The following RTN4 variants were observed in gnomAD, a reference collection of about 807,000 sequenced individuals.
RTN4 encodes the protein reticulon 4.
RTN4 carries 32 observed loss-of-function variants against 90.4 expected under a neutral mutation model. The observed-to-expected ratio is 0.35, with a 90% CI of 0.27 to 0.48. The LOEUF (loss-of-function observed/expected upper bound fraction) is 0.48, where lower values mean the gene tolerates loss of function less well. Among genes scored for constraint, RTN4 ranks in the 20% least tolerant of loss-of-function variants. The probability of loss-of-function intolerance (pLI) is 0.99; values close to 1 mark genes in which losing one functional copy is unlikely to be tolerated. For synonymous variants in RTN4, 629 were observed against 552.5 expected (o/e 1.14, Z -1.94); for missense variants, 1,706 against 1,430.2 (o/e 1.19, Z -3.11).
intron 2 of RTN4, among the ~76,000 whole-genome samples, chr2:55,067,284 G>A: frequency 6.6e-6 from 1 of 152,084 alleles, no homozygotes; most frequent in Non-Finnish European, 1.5e-5. Context: ...TTAAATTGTT[G>A]ATGCATGTAA....
intron 3 of RTN4, among the ~76,000 whole-genome samples, chr2:55,020,488 G>GA (rs570723995): frequency 3.3e-5 from 5 of 149,824 alleles, no homozygotes; most frequent in African/African-American, 9.7e-5. Flanking sequence ...CTACTACTGA[G>GA]AAAAAAAATC....
chr2:55,128,894 G>A, the RTN4 span, among the ~76,000 whole-genome samples: 1 of 151,640 alleles, frequency 6.6e-6, no homozygotes, highest in African/African-American at 2.4e-5. Flanking sequence ...ATCACCTGAG[G>A]TCAGGAGTTC....
At chr2:55,074,773 C>T (rs1668573266) in intron 2 of RTN4, among the ~76,000 whole-genome samples, 1 of 152,122 alleles carries the variant, frequency 6.6e-6, no homozygotes, top group African/African-American at 2.4e-5. Flanking sequence ...GATGGTTTAA[C>T]ATCTGTAAGT....
At chr2:55,122,529 A>T in the RTN4 span, among the ~76,000 whole-genome samples, 1 of 152,146 alleles carries the variant, frequency 6.6e-6, no homozygotes, top group Non-Finnish European at 1.5e-5. Context: ...TTTATCTTTG[A>T]ACTTGTGTTT....
chr2:55,010,332 G>T, intron 3 of RTN4: 2 of 1,382,954 alleles, frequency 1.4e-6, no homozygotes, highest in Non-Finnish European at 1.9e-6. Context: ...CTGTAACTAG[G>T]CTACTAATAC....
At chr2:55,059,271 C>T (rs537655884) in intron 2 of RTN4, among the ~76,000 whole-genome samples, 5 of 150,584 alleles carry the variant, frequency 3.3e-5, no homozygotes, top group African/African-American at 9.8e-5. Flanking sequence ...GTGCTGATCT[C>T]GACATCCCAA....
chr2:55,071,578 C>T (rs989860762), intron 2 of RTN4, among the ~76,000 whole-genome samples: 1 of 137,444 alleles, frequency 7.3e-6, no homozygotes, highest in African/African-American at 2.6e-5. Flanking sequence ...CAGTCATTTA[C>T]TTCTGCTAAT....
At chr2:55,079,596 A>G (rs1668672611) in intron 2 of RTN4, among the ~76,000 whole-genome samples, 1 of 152,220 alleles carries the variant, frequency 6.6e-6, no homozygotes, top group Non-Finnish European at 1.5e-5. Flanking sequence ...CTTTTTAATG[A>G]AACCTCCATC....
upstream of RTN4, among the ~76,000 whole-genome samples, chr2:55,055,550 G>A (rs1042262810): frequency 4.6e-5 from 7 of 152,140 alleles, no homozygotes; most frequent in East Asian, 1.9e-4. Context: ...GGCGGATCAC[G>A]AGGTCAGGAG....
intron 1 of RTN4, among the ~76,000 whole-genome samples, chr2:55,085,670 T>C (rs1256388420): frequency 6.6e-6 from 1 of 152,138 alleles, no homozygotes; most frequent in African/African-American, 2.4e-5. Flanking sequence ...AATTCAAACA[T>C]AAAAATGAAT....
At chr2:55,123,299 A>T in the RTN4 span, among the ~76,000 whole-genome samples, 1 of 152,204 alleles carries the variant, frequency 6.6e-6, no homozygotes, top group African/African-American at 2.4e-5. Flanking sequence ...ATAAATTTAT[A>T]TTTGAAATTA....
chr2:55,128,901 G>A, the RTN4 span, among the ~76,000 whole-genome samples: 10 of 151,918 alleles, frequency 6.6e-5, no homozygotes, highest in Non-Finnish European at 1.2e-4. Flanking sequence ...GAGGTCAGGA[G>A]TTCGAGACCA....
chr2:55,019,155 T>C (rs1462036047), intron 3 of RTN4, among the ~76,000 whole-genome samples: 2 of 152,042 alleles, frequency 1.3e-5, no homozygotes, highest in African/African-American at 2.4e-5. Flanking sequence ...AAAATGGAAA[T>C]TCACGGATCC....
chr2:55,091,886 A>G (rs1027640254), intron 1 of RTN4, among the ~76,000 whole-genome samples: 2 of 152,064 alleles, frequency 1.3e-5, no homozygotes, highest in African/African-American at 4.8e-5. Context: ...TGATAAATCC[A>G]TCAGCTCTCG....
intron 3 of RTN4, among the ~76,000 whole-genome samples, chr2:55,020,404 T>C (rs1025751179): frequency 2.1e-5 from 3 of 141,188 alleles, no homozygotes; most frequent in African/African-American, 5.1e-5. Flanking sequence ...AACATATCTA[T>C]AGCCAATCAA....
At chr2:55,010,116 T>C in intron 3 of RTN4, 2 of 1,613,644 alleles carry the variant, frequency 1.2e-6, no homozygotes, top group Non-Finnish European at 8.5e-7. Context: ...CTTCTGACCG[T>C]CCATCTCTTG....
At chr2:55,116,091 C>CTCTTTTT (rs1668119746), upstream of RTN4, among the ~76,000 whole-genome samples, 1 of 105,474 alleles carries the variant, frequency 9.5e-6, no homozygotes, top group South Asian at 3.3e-4. Context: ...GGGGACTAGT[C>CTCTTTTT]TTTTTTTTTT....
rs183726072 is a variant in RTN4 at position 55,111,925 on chromosome 2, C to T, written c.-214+595G>A. Among the ~76,000 whole-genome samples the T allele has an allele frequency of 1.7e-3, 261 of 152,308 alleles. 1 individual carries two copies. The highest frequency in any genetic ancestry group is 6.1e-3 in the African/African-American group (254 of 41,582). The stretch of plus-strand genomic sequence containing the variant: ...GTATGACTCAGCGTGTTGAAATCCG[C>T]CTCTGTGGGCACGCACTGCTCTCAA... On this transcript the variant is annotated intron_variant, in intron 1 of 3. Transcript: ENST00000427710.
intron 5 of RTN4, among the ~76,000 whole-genome samples, chr2:54,978,250 C>G (rs1677809744): frequency 6.6e-6 from 1 of 151,862 alleles, no homozygotes; most frequent in South Asian, 2.1e-4. Context: ...GCCAACTTGG[C>G]AAAACCCCAT....
Sources: gnomAD v4.1 joint callset for allele counts (sites outside exome capture counted in the v4.1 genomes callset) on GRCh38, gnomAD v4.1.1 for gene constraint, MANE v1.5 for transcripts, NCBI Gene and HGNC (gene_info 2026-07-23, HGNC 2026-07-21) for gene names.